Variants in PDE8A observed in about 807,000 individuals in gnomAD.
PDE8A encodes high affinity cAMP-specific and IBMX-insensitive 3',5'-cyclic phosphodiesterase 8A.
In PDE8A, 59 loss-of-function variants were observed where a neutral mutation model predicts 105.0. That is an observed-to-expected ratio of 0.56 (90% CI 0.46 to 0.70). PDE8A has a LOEUF of 0.70. Among genes scored for constraint, PDE8A ranks in the 30% least tolerant of loss-of-function variants. The probability of loss-of-function intolerance (pLI) is 0.00; values close to 1 mark genes in which losing one functional copy is unlikely to be tolerated. For synonymous variants in PDE8A, 355 were observed against 371.9 expected (o/e 0.95, Z 0.52); for missense variants, 1,014 against 1,045.9 (o/e 0.97, Z 0.42).
chr15:85,021,074 GC>G (rs1212576840), intron 1 of PDE8A, among the ~76,000 whole-genome samples: 2 of 152,104 alleles, frequency 1.3e-5, no homozygotes, highest in Admixed American at 1.3e-4. Flanking sequence ...GGTCATGGGG[GC>G]AGAGACCTTG....
intron 1 of PDE8A, among the ~76,000 whole-genome samples, chr15:85,030,681 T>G (rs1307624840): frequency 6.7e-6 from 1 of 148,190 alleles, no homozygotes; most frequent in Non-Finnish European, 1.5e-5. Context: ...CTTAACATGC[T>G]TGGTGGCTTC....
At chr15:85,019,018 G>A (rs921124098) in intron 1 of PDE8A, among the ~76,000 whole-genome samples, 8 of 152,072 alleles carry the variant, frequency 5.3e-5, no homozygotes, top group African/African-American at 1.7e-4. Context: ...GACTCTCCTA[G>A]CAGTATAGTT....
chr15:85,130,984 T>C (rs867085689), intron 20 of PDE8A, among the ~76,000 whole-genome samples: 17 of 152,256 alleles, frequency 1.1e-4, no homozygotes, highest in African/African-American at 3.1e-4. Context: ...CTCTAACTCC[T>C]GACCTCAGGT....
At chr15:84,986,350 A>C (rs2079802380) in intron 1 of PDE8A, among the ~76,000 whole-genome samples, 1 of 152,108 alleles carries the variant, frequency 6.6e-6, no homozygotes, top group South Asian at 2.1e-4. Context: ...AATCTCAGAC[A>C]TTCTCTAGTT....
intron 3 of PDE8A, among the ~76,000 whole-genome samples, chr15:85,074,170 A>G (rs34072250): frequency 0.061 from 9,268 of 152,240 alleles, 362 homozygotes; most frequent in Middle Eastern, 0.11. Context: ...CCTATTCTGC[A>G]TGTGTTGTTA....
At chr15:85,056,128 A>T (rs2061196258) in intron 1 of PDE8A, among the ~76,000 whole-genome samples, 1 of 152,136 alleles carries the variant, frequency 6.6e-6, no homozygotes, top group African/African-American at 2.4e-5. Context: ...AGAATGTTGA[A>T]TATTGGCCCC....
chr15:85,124,227 C>T (rs1248988470), intron 19 of PDE8A, among the ~76,000 whole-genome samples: 3 of 152,162 alleles, frequency 2.0e-5, no homozygotes, highest in African/African-American at 7.2e-5. Context: ...CCCAAGTTCC[C>T]ATCATTTGCT....
rs899429858 is a variant in PDE8A at position 85,138,844 on chromosome 15, A to G, written c.*941A>G. ...ACTTTTTTCTAAAATTTTATAATTC[A>G]ATTTCCAAAAGTCTACTCTATTTTA... is the stretch of plus-strand genomic sequence containing the variant. On this transcript the variant is annotated 3_prime_UTR_variant, in exon 22 of 22. Transcript: ENST00000394553. 2 of 152,230 alleles carry G rather than the reference A, an allele frequency of 1.3e-5. No individual in the cohort carries two copies. The highest frequency in any genetic ancestry group is 4.8e-5 in the African/African-American group (2 of 41,450). 9.4% of individuals were successfully genotyped at this position (152,230 alleles called of 1,614,324 possible).
intron 1 of PDE8A, among the ~76,000 whole-genome samples, chr15:85,010,386 C>T (rs999527522): frequency 3.9e-5 from 6 of 152,208 alleles, no homozygotes; most frequent in Admixed American, 2.6e-4. Flanking sequence ...CAGTCTCAAA[C>T]AGTTTGACTT....
intron 12 of PDE8A, 52 bp downstream of exon 12, chr15:85,109,182 A>C (rs768912574): frequency 1.6e-6 from 2 of 1,254,656 alleles, no homozygotes; most frequent in Admixed American, 3.5e-5. Flanking sequence ...TGTTGAACAC[A>C]TGGAGCCCTG....
Position 85,126,192 on chromosome 15 carries a change from C to T in PDE8A, c.2086-15C>T, listed in dbSNP as rs191648944. On this transcript the variant is annotated splice_polypyrimidine_tract_variant and intron_variant, in intron 19 of 21. Coordinates refer to ENST00000394553, the MANE Select transcript of PDE8A (RefSeq NM_002605.3). ...GGATCCATTTTGATTGCTTTGAATTCCACTCATGTTTCAGGAAACTGATAA... is the reference window on the plus strand; with the variant it reads ...GGATCCATTTTGATTGCTTTGAATTTCACTCATGTTTCAGGAAACTGATAA... 6.3e-7 allele frequency: 1 copy of T among 1,595,998 alleles called. No homozygotes were observed. Among genetic ancestry groups the T allele is most frequent in the Non-Finnish European group, 8.6e-7 (1 of 1,168,834 alleles).
intron 17 of PDE8A, 161 bp from the exon 18 acceptor site, chr15:85,120,636 C>G (rs1320007829): frequency 3.5e-6 from 2 of 570,406 alleles, no homozygotes; most frequent in Non-Finnish European, 6.2e-6. Flanking sequence ...ATAACTGTTT[C>G]AGGGTGGAGA....
chr15:85,049,321 A>G (rs1399264077), intron 1 of PDE8A, among the ~76,000 whole-genome samples: 1 of 152,118 alleles, frequency 6.6e-6, no homozygotes, highest in African/African-American at 2.4e-5. Flanking sequence ...AAACTAAAAC[A>G]ATATATCAAT....
intron 8 of PDE8A, among the ~76,000 whole-genome samples, chr15:85,096,106 A>C (rs1051450063): frequency 6.6e-6 from 1 of 151,426 alleles, no homozygotes; most frequent in African/African-American, 2.4e-5. Flanking sequence ...CAATCTCTTG[A>C]CCTCGTGATC....
intron 2 of PDE8A, 121 bp downstream of exon 2, chr15:85,064,547 T>A: frequency 1.5e-6 from 1 of 659,220 alleles, no homozygotes; most frequent in Non-Finnish European, 2.7e-6. Context: ...GGACCAATGT[T>A]AAATTCCCTG....
At chr15:85,123,927 T>C (rs560740350) in intron 19 of PDE8A, among the ~76,000 whole-genome samples, 3 of 152,336 alleles carry the variant, frequency 2.0e-5, no homozygotes, top group East Asian at 3.9e-4. Context: ...GCACCCTTCC[T>C]CACTAATATC....
chr15:85,128,228 G>A (rs568835207), intron 20 of PDE8A, among the ~76,000 whole-genome samples: 2 of 152,270 alleles, frequency 1.3e-5, no homozygotes, highest in East Asian at 3.9e-4. Flanking sequence ...CAACCAGCCA[G>A]GTGCAGTGGC....
At chr15:85,110,077 G>A (rs2081999540) in intron 12 of PDE8A, among the ~76,000 whole-genome samples, 1 of 152,200 alleles carries the variant, frequency 6.6e-6, no homozygotes, top group Non-Finnish European at 1.5e-5. Flanking sequence ...AGGATTGTGT[G>A]AGGATTCAAT....
At chr15:85,075,765 A>G (rs996821707) in intron 3 of PDE8A, 97 bp from the exon 4 acceptor site, 2 of 656,224 alleles carry the variant, frequency 3.0e-6, no homozygotes, top group Non-Finnish European at 5.2e-6. Flanking sequence ...TCTCCCTTCT[A>G]CCCCTCTTCC....
Sources: allele counts gnomAD v4.1 joint callset (sites outside exome capture counted in the v4.1 genomes callset), GRCh38; gene constraint gnomAD v4.1.1; transcripts MANE v1.5; gene names NCBI Gene and HGNC (gene_info 2026-07-23, HGNC 2026-07-21).